RSL1D1: variants seen among roughly 807,000 people sequenced by gnomAD.
RSL1D1 encodes the protein ribosomal L1 domain-containing protein 1.
In RSL1D1, 34 loss-of-function variants were observed where a neutral mutation model predicts 44.6. That is an observed-to-expected ratio of 0.76 (90% CI 0.58 to 1.02). RSL1D1 has a LOEUF of 1.02. Among genes scored for constraint, RSL1D1 ranks in the 50% least tolerant of loss-of-function variants. RSL1D1 has a pLI of 0.00. For synonymous variants in RSL1D1, 271 were observed against 207.4 expected (o/e 1.31, Z -2.63); for missense variants, 767 against 568.1 (o/e 1.35, Z -3.56).
rs890148878 is a variant in RSL1D1 at position 11,836,637 on chromosome 16, T to A, written c.*1150A>T. ...GAGGATAAGGCTTATGGAAGATAAATCATGTTCTTGCCTCCGGTAGGTAGG... is the reference window on the plus strand; with the variant it reads ...GAGGATAAGGCTTATGGAAGATAAAACATGTTCTTGCCTCCGGTAGGTAGG... On this transcript the variant is annotated 3_prime_UTR_variant, in exon 9 of 9. Coordinates refer to ENST00000571133, the MANE Select transcript of RSL1D1 (RefSeq NM_015659.3). 1.3e-5 allele frequency: 2 copies of A among 152,186 alleles called. No homozygotes were observed. The highest frequency in any genetic ancestry group is 2.9e-5 in the Non-Finnish European group (2 of 68,044). The allele number at this position is 152,186 out of a possible 1,614,324, so 9.4% of individuals were successfully genotyped here. A position where few individuals can be genotyped will look rare whatever the true frequency, so the allele number is the denominator to read the frequency against.
Position 11,834,482 on chromosome 16 carries a change from G to C in RSL1D1, c.*3305C>G, listed in dbSNP as rs1002884396. 3 of 152,186 alleles carry C rather than the reference G, an allele frequency of 2.0e-5. No individual in the cohort carries two copies. The highest frequency in any genetic ancestry group is 7.2e-5 in the African/African-American group (3 of 41,454). The allele number at this position is 152,186 out of a possible 1,614,324, so 9.4% of individuals were successfully genotyped here. On this transcript the variant is annotated 3_prime_UTR_variant, in exon 9 of 9. Transcript: ENST00000571133. ...CAACAAGACTGAACTACGGAGCAAA[G>C]AATCACACAGTGTTGCAAGATCTTG...
In RSL1D1 at chr16:11,843,903, T is replaced by C. The variant is rs1226803393; in HGVS notation, c.636-1903A>G. 6.7e-5 allele frequency among the ~76,000 whole-genome samples: 7 copies of C among 104,216 alleles called. No homozygotes were observed. The South Asian group carries it at 1.6e-3, about 24-fold the overall frequency. 68.4% of individuals were successfully genotyped at this position (104,216 alleles called of 152,430 possible). ...AAAAAAAAAAAAAAAAAAGAGTAAA[T>C]AGTTCTTGTCCCTGGTGGAATAGTG... On this transcript the variant is annotated intron_variant, in intron 5 of 8. Coordinates refer to ENST00000571133, the MANE Select transcript of RSL1D1 (RefSeq NM_015659.3).
intron 5 of RSL1D1, among the ~76,000 whole-genome samples, chr16:11,843,671 A>G (rs2141252674): frequency 6.6e-6 from 1 of 151,958 alleles, no homozygotes; most frequent in South Asian, 2.1e-4. Flanking sequence ...GACCGAGACC[A>G]TCCTGGTTAA....
At chr16:11,840,999 G>A (rs878965775) in intron 7 of RSL1D1, among the ~76,000 whole-genome samples, 4 of 152,098 alleles carry the variant, frequency 2.6e-5, no homozygotes, top group Non-Finnish European at 4.4e-5. Flanking sequence ...TGTATATATA[G>A]CTCACATTTA....
intron 8 of RSL1D1, among the ~76,000 whole-genome samples, 158 bp from the exon 9 acceptor site, chr16:11,838,271 G>A (rs2053736269): frequency 6.6e-6 from 1 of 152,128 alleles, no homozygotes; most frequent in East Asian, 1.9e-4. Flanking sequence ...TCAGTTCACT[G>A]CAACCTCTGC....
rs2053731715 is a variant in RSL1D1 at position 11,837,698 on chromosome 16, G to T, written c.*89C>A. 5.8e-6 allele frequency: 7 copies of T among 1,197,778 alleles called. No individual in the cohort carries two copies. The highest frequency in any genetic ancestry group is 1.5e-5 in the South Asian group (1 of 67,876). 74.2% of individuals were successfully genotyped at this position (1,197,778 alleles called of 1,614,324 possible). On this transcript the variant is annotated 3_prime_UTR_variant, in exon 9 of 9. Coordinates refer to ENST00000571133, the MANE Select transcript of RSL1D1 (RefSeq NM_015659.3). The stretch of plus-strand genomic sequence containing the variant: ...CTTTTAAGTCCAGGCCTGACGTTTA[G>T]AGAAGGTTACAAAGGCGGCCAGGAT...
chr16:11,839,906 G>T lies in RSL1D1; in HGVS notation c.935C>A (p.Thr312Asn). 6.2e-7 allele frequency: 1 copy of T among 1,614,096 alleles called. No individual in the cohort carries two copies. Among genetic ancestry groups the T allele is most frequent in the Non-Finnish European group, 8.5e-7 (1 of 1,180,034 alleles). ...ATCATCTTTACTAAGAACTGATGCA[G>T]TCTTCCTAGCCTGCTGCCTCTTCTT... ...RKKKRQQARKTASVLSKDDVA... is the reference protein window; with the variant it reads ...RKKKRQQARKNASVLSKDDVA... The change falls in exon 8 of 9, where the codon ACT becomes AAT. Residue 312 changes from threonine (T) to asparagine (N), a missense_variant. Transcript: ENST00000571133.
In RSL1D1 at chr16:11,851,507, C is replaced by G; in HGVS notation, c.6G>C (p.Glu2Asp). ...AAGACAGCGAGGCCGAGGCCGAATC[C>G]TCCATCTTGTTTCCACCTCGTGAAG... M[E>D]DSASASLSSA... Residue 2 changes from glutamate to aspartate, a missense_variant, in exon 1 of 9, where the codon GAG (glutamate) becomes GAC (aspartate). Transcript: ENST00000571133. 1.9e-6 allele frequency: 3 copies of G among 1,613,570 alleles called. No homozygotes were observed. Among genetic ancestry groups the G allele is most frequent in the Non-Finnish European group, 2.5e-6 (3 of 1,179,876 alleles).
At chr16:11,844,945 T>C (rs921312430) in intron 5 of RSL1D1, among the ~76,000 whole-genome samples, 1 of 152,220 alleles carries the variant, frequency 6.6e-6, no homozygotes, top group Non-Finnish European at 1.5e-5. Flanking sequence ...AGCCAGAGGT[T>C]GGAAGCAATC....
chr16:11,845,722 C>CTT lies in RSL1D1; in HGVS notation c.635+777_635+778dup, dbSNP rs139021853. Among the ~76,000 whole-genome samples, 127 of 147,146 alleles carry CTT rather than the reference C, an allele frequency of 8.6e-4. 2 individuals are homozygous for CTT. Among genetic ancestry groups the CTT allele is most frequent in the Middle Eastern group, 3.6e-3 (1 of 280 alleles). On this transcript the variant is annotated intron_variant, in intron 5 of 8. Transcript: ENST00000571133. ...GACAACATTGTTCTAGAGAACTGAA[C>CTT]TTTTTTTTTTTTTCATTTAAAGACA...
Position 11,838,803 on chromosome 16 carries a change from G to A in RSL1D1, c.1147-690C>T, listed in dbSNP as rs557073090. 2.7e-5 allele frequency among the ~76,000 whole-genome samples: 4 copies of A among 148,092 alleles called. No homozygotes were observed. In the South Asian group the frequency reaches 8.5e-4, roughly 31 times the overall value. On this transcript the variant is annotated intron_variant, in intron 8 of 8. Coordinates refer to ENST00000571133, the MANE Select transcript of RSL1D1 (RefSeq NM_015659.3). ...GCACGAAAGGTGGAGGTTGCTGTGA[G>A]CCGAGATCATGCCACTGCACTCCAT...
intron 2 of RSL1D1, among the ~76,000 whole-genome samples, chr16:11,849,665 AAC>A (rs1235694532): frequency 3.3e-5 from 5 of 152,156 alleles, no homozygotes; most frequent in Admixed American, 2.0e-4. Context: ...ATGGAAAGAT[AAC>A]AGTTTCTAAT....
At position 11,834,909 on chromosome 16, in the gene RSL1D1, G is replaced by A. The variant is rs181002329; in HGVS notation, c.*2878C>T. The stretch of plus-strand genomic sequence containing the variant: ...CAGGAGGACTTGAGCCCAGGAGTTC[G>A]AGCCCAGCCTAGGGAACACAGGGAA... On this transcript the variant is annotated 3_prime_UTR_variant, in exon 9 of 9. Transcript: ENST00000571133. 150 of 152,230 alleles carry A rather than the reference G, an allele frequency of 9.9e-4. No individual in the cohort carries two copies. Among genetic ancestry groups the A allele is most frequent in the African/African-American group, 3.4e-3 (143 of 41,548 alleles). The allele number at this position is 152,230 out of a possible 1,614,324, so 9.4% of individuals were successfully genotyped here. A position where few individuals can be genotyped will look rare whatever the true frequency, so the allele number is the denominator to read the frequency against.
intron 5 of RSL1D1, among the ~76,000 whole-genome samples, chr16:11,845,974 C>T (rs777549669): frequency 6.6e-6 from 1 of 152,006 alleles, no homozygotes; most frequent in Non-Finnish European, 1.5e-5. Context: ...CTCAAGCGAT[C>T]CTCCTGCCTA....
chr16:11,849,429 A>T (rs1235890656), intron 2 of RSL1D1: 1 of 152,110 alleles, frequency 6.6e-6, no homozygotes, highest in African/African-American at 2.4e-5. Flanking sequence ...ATCGAAACCA[A>T]AAACATGGAC....
chr16:11,843,088 AT>A (rs1321829210), intron 5 of RSL1D1, among the ~76,000 whole-genome samples: 1 of 146,878 alleles, frequency 6.8e-6, no homozygotes, highest in African/African-American at 2.6e-5. Flanking sequence ...CGCCCGGCTA[AT>A]TTTTTGTATT....
rs561872839 is a variant in RSL1D1 at position 11,837,389 on chromosome 16, G to A, written c.*398C>T. The A allele has an allele frequency of 7.8e-4, 126 of 162,002 alleles. 2 individuals are homozygous for A. In the South Asian group the frequency reaches 0.022, roughly 28 times the overall value. The allele number at this position is 162,002 out of a possible 1,614,324, so 10.0% of individuals were successfully genotyped here. The stretch of plus-strand genomic sequence containing the variant: ...TATTTTTATTTATTTTTGAGACTGA[G>A]TCTTGCTCTGTCATCAGGCTGGAGT... On this transcript the variant is annotated 3_prime_UTR_variant, in exon 9 of 9. Coordinates refer to ENST00000571133, the MANE Select transcript of RSL1D1 (RefSeq NM_015659.3).
intron 7 of RSL1D1, among the ~76,000 whole-genome samples, chr16:11,841,100 C>T (rs2053761243): frequency 1.3e-5 from 2 of 152,084 alleles, no homozygotes; most frequent in Non-Finnish European, 2.9e-5. Context: ...GAACTTAACT[C>T]AGGCCCCCTC....
In RSL1D1 at chr16:11,837,644, CT is replaced by C. The variant is rs2053731387; in HGVS notation, c.*142del. 1.3e-6 allele frequency: 1 copy of C among 770,898 alleles called. No homozygotes were observed. Among genetic ancestry groups the C allele is most frequent in the Non-Finnish European group, 2.1e-6 (1 of 473,744 alleles). 47.8% of individuals were successfully genotyped at this position (770,898 alleles called of 1,614,324 possible). ...GGATTACAGGCGTGAGCCACCGCCC[CT>C]GGACTACTTATGGAGGTTTTAAAAA... On this transcript the variant is annotated 3_prime_UTR_variant, in exon 9 of 9. Transcript: ENST00000571133.
Sources: allele counts gnomAD v4.1 joint callset (sites outside exome capture counted in the v4.1 genomes callset), GRCh38; gene constraint gnomAD v4.1.1; transcripts MANE v1.5; gene names NCBI Gene and HGNC (gene_info 2026-07-23, HGNC 2026-07-21).